FLII: variants seen among roughly 807,000 people sequenced by gnomAD.
The protein encoded by FLII is protein flightless-1 homolog.
Under a neutral mutation model 156.2 loss-of-function variants are expected in FLII, and 101 were observed. That is an observed-to-expected ratio of 0.65 (90% CI 0.55 to 0.76). The LOEUF is 0.76. Among genes scored for constraint, FLII ranks in the 30% least tolerant of loss-of-function variants. The pLI is 0.00. For synonymous variants in FLII, 767 were observed against 685.8 expected, an observed-to-expected ratio of 1.12 and a Z score of -1.85; for missense variants, 1,675 against 1,682.8, an observed-to-expected ratio of 1.00 and a Z score of 0.08.
At chr17:18,246,531 C>A in intron 23 of FLII, 63 bp downstream of exon 23, 4 of 1,611,524 alleles carry the variant, frequency 2.5e-6, no homozygotes, top group Non-Finnish European at 3.4e-6. Flanking sequence ...CTAACCTTCG[C>A]TGGGTCTGAG....
At chr17:18,256,404 C>T in intron 3 of FLII, 122 bp downstream of exon 3, 1 of 758,054 alleles carries the variant, frequency 1.3e-6, no homozygotes, top group Non-Finnish European at 2.2e-6. Flanking sequence ...ACCTGAGCCT[C>T]TGAGCCTGAC....
At chr17:18,256,299 T>A (rs944180189) in intron 3 of FLII, among the ~76,000 whole-genome samples, 3 of 152,258 alleles carry the variant, frequency 2.0e-5, no homozygotes, top group Non-Finnish European at 2.9e-5. Context: ...GATTTTGGAT[T>A]TCTTTACCTT....
intron 18 of FLII, 44 bp downstream of exon 18, chr17:18,248,506 G>A: frequency 1.9e-6 from 3 of 1,551,256 alleles, no homozygotes; most frequent in Non-Finnish European, 2.6e-6. Flanking sequence ...CCAGTCGGTG[G>A]GTGAACTTGG....
In FLII at chr17:18,247,193, C is replaced by G. The variant is rs1213726959; in HGVS notation, c.2652G>C (p.Arg884=). The G allele has an allele frequency of 6.7e-7, 1 of 1,503,594 alleles. No individual in the cohort carries two copies. The highest frequency in any genetic ancestry group is 1.4e-5 in the African/African-American group (1 of 70,322). The allele number at this position is 1,503,594 out of a possible 1,614,324, so 93.1% of individuals were successfully genotyped here. ...KADLTALFLP[R]QPPMSLAEAE... ...CCTCGGCCAGCGACATGGGCGGCTG[C>G]CGCGGCAGGAAAAGCGCAGTGAGGT... The change falls in exon 21 of 30, where the codon CGG becomes CGC. Residue 884 remains arginine, a synonymous_variant. Transcript: ENST00000327031.
chr17:18,250,602 C>A (rs566309683), intron 14 of FLII, among the ~76,000 whole-genome samples: 1 of 152,190 alleles, frequency 6.6e-6, no homozygotes, highest in Non-Finnish European at 1.5e-5. Context: ...TATCCTTGCC[C>A]GGCTGAATTC....
At chr17:18,255,504 A>G (rs905857486) in intron 3 of FLII, among the ~76,000 whole-genome samples, 3 of 152,198 alleles carry the variant, frequency 2.0e-5, no homozygotes, top group African/African-American at 4.8e-5. Context: ...CAGGGCCCTC[A>G]GGGAACCTTT....
In FLII at chr17:18,245,861, G is replaced by A; in HGVS notation, c.3397-11C>T. The A allele has an allele frequency of 6.2e-7, 1 of 1,614,010 alleles. No homozygotes were observed. The highest frequency in any genetic ancestry group is 8.5e-7 in the Non-Finnish European group (1 of 1,179,976). Reference sequence around the variant, plus strand: ...ACCTTCGTTGATAACCTGCGGGAAAGGCCAGTCCAGCCCAGGGCCCCTGCC... The same window carrying A: ...ACCTTCGTTGATAACCTGCGGGAAAAGCCAGTCCAGCCCAGGGCCCCTGCC... On this transcript the variant is annotated splice_polypyrimidine_tract_variant and intron_variant, in intron 26 of 29. Transcript: ENST00000327031.
At chr17:18,251,885 G>A (rs1167104221) in intron 11 of FLII, 69 bp from the exon 12 acceptor site, 4 of 1,607,860 alleles carry the variant, frequency 2.5e-6, no homozygotes, top group Non-Finnish European at 3.4e-6. Flanking sequence ...GACCAACCAG[G>A]GGCCAACTCC....
In FLII at chr17:18,247,857, C is replaced by CG. The variant is rs901163309; in HGVS notation, c.2296-10dup. The CG allele has an allele frequency of 1.9e-6, 3 of 1,613,930 alleles. No individual in the cohort carries two copies. The highest frequency in any genetic ancestry group is 2.5e-6 in the Non-Finnish European group (3 of 1,179,966). ...TCCAGCAGACTCTGCAGCTGCGGAC[C>CG]GGGAGTCTGGAGGTCAAAGCCCAGC... On this transcript the variant is annotated splice_polypyrimidine_tract_variant and intron_variant, in intron 19 of 29. Coordinates refer to ENST00000327031, the MANE Select transcript of FLII (RefSeq NM_002018.4).
Position 18,245,940 on chromosome 17 carries a change from G to C in FLII, c.3390C>G (p.Ser1130Arg), listed in dbSNP as rs200427238. The C allele has an allele frequency of 6.2e-7, 1 of 1,614,044 alleles. No homozygotes were observed. The highest frequency in any genetic ancestry group is 1.1e-5 in the South Asian group (1 of 91,078). Residue 1130 changes from serine to arginine, a missense_variant, in exon 26 of 30, where the codon AGC becomes AGG. Coordinates refer to ENST00000327031, the MANE Select transcript of FLII (RefSeq NM_002018.4). ...TGCCCGCCCGCCTCCTGACCTGCTT[G>C]CTGTAGGAGGTGTCAAACATGGTGT... ...ILNTMFDTSY[S>R]KQVINEGEEP...
chr17:18,247,123 G>GCCCCCCCCCCCCCCCCCCCCCCCCC (rs765734701), intron 21 of FLII, 46 bp downstream of exon 21: 3 of 1,249,374 alleles, frequency 2.4e-6, no homozygotes, highest in South Asian at 1.6e-5. Context: ...CCCTCGGCCT[G>GCCCCCCCCCCCCCCCCCCCCCCCCC]CCCCCCACCC....
Position 18,246,574 on chromosome 17 carries a change from C to G in FLII, c.3051+20G>C. ...ACACCCCTCCGCCTGGCCTCGGGCTCGCGGGGCTGCCAGGCACACCTCCAG... is the reference window on the plus strand; with the variant it reads ...ACACCCCTCCGCCTGGCCTCGGGCTGGCGGGGCTGCCAGGCACACCTCCAG... On this transcript the variant is annotated intron_variant, in intron 23 of 29. Coordinates refer to ENST00000327031, the MANE Select transcript of FLII (RefSeq NM_002018.4). 2 of 1,613,138 alleles carry G rather than the reference C, an allele frequency of 1.2e-6. No homozygotes were observed. The highest frequency in any genetic ancestry group is 8.5e-7 in the Non-Finnish European group (1 of 1,179,446).
At position 18,247,892 on chromosome 17, in the gene FLII, G is replaced by A. The variant is rs750624830; in HGVS notation, c.2295+37C>T. Reference sequence around the variant, plus strand: ...GAGGTCAAAGCCCAGCCAACGGGGAGGGATCTGGCCCCACGCCCTCCTCCT... The same window carrying A: ...GAGGTCAAAGCCCAGCCAACGGGGAAGGATCTGGCCCCACGCCCTCCTCCT... On this transcript the variant is annotated intron_variant, in intron 19 of 29. Coordinates refer to ENST00000327031, the MANE Select transcript of FLII (RefSeq NM_002018.4). 4 of 1,613,268 alleles carry A rather than the reference G, an allele frequency of 2.5e-6. No individual in the cohort carries two copies. The African/African-American group carries it at 4.0e-5, about 16-fold the overall frequency.
intron 6 of FLII, 61 bp downstream of exon 6, chr17:18,254,460 G>T: frequency 6.7e-7 from 1 of 1,502,264 alleles, no homozygotes; most frequent in East Asian, 2.4e-5. Context: ...GGGAAGTGAA[G>T]GGGCCCGGCC....
Position 18,245,779 on chromosome 17 carries a change from G to A in FLII, c.3468C>T (p.Asp1156=), listed in dbSNP as rs144013061. The A allele has an allele frequency of 3.4e-4, 555 of 1,614,024 alleles. No individual in the cohort carries two copies. In the African/African-American group the frequency reaches 4.4e-3, roughly 13 times the overall value. ...GTGTGTGTTTCATGTACTCGGCATC[G>A]TCATCATAGGGCTTCTGTGCCCCAA... is the stretch of plus-strand genomic sequence containing the variant. ...VGIGAQKPYD[D]DAEYMKHTRL... is the part of the protein sequence containing the mutation. Residue 1156 remains aspartate (D), a synonymous_variant, in exon 27 of 30, where the codon GAC becomes GAT. Coordinates refer to ENST00000327031, the MANE Select transcript of FLII (RefSeq NM_002018.4).
Position 18,246,955 on chromosome 17 carries a change from A to C in FLII, c.2774T>G (p.Phe925Cys). 2 of 1,614,036 alleles carry C rather than the reference A, an allele frequency of 1.2e-6. No homozygotes were observed. Among genetic ancestry groups the C allele is most frequent in the Non-Finnish European group, 1.7e-6 (2 of 1,179,982 alleles). ...GCAGTCCTGCGTGTAGAAGTGGCCAAACTCCTCTTCCGGCAGCCGCGCAAA... is the reference window on the plus strand; with the variant it reads ...GCAGTCCTGCGTGTAGAAGTGGCCACACTCCTCTTCCGGCAGCCGCGCAAA... The part of the protein sequence containing the change: ...KKFARLPEEE[F>C]GHFYTQDCYV... Residue 925 changes from phenylalanine (F) to cysteine (C), a missense_variant, in exon 22 of 30, where the codon TTT becomes TGT. Phe to Cys is a radical substitution (Grantham distance 205, BLOSUM62 -2). Coordinates refer to ENST00000327031, the MANE Select transcript of FLII (RefSeq NM_002018.4).
chr17:18,252,116 C>A lies in FLII; in HGVS notation c.1129G>T (p.Val377Phe), dbSNP rs2048291481. 1.9e-6 allele frequency: 3 copies of A among 1,613,384 alleles called. No homozygotes were observed. The highest frequency in any genetic ancestry group is 2.5e-6 in the Non-Finnish European group (3 of 1,180,022). ...CGGTCTGCGGGCTTGGGCGGCATGACCAGGTTGGGGTTCTCCCGCACATCC... is the reference window on the plus strand; with the variant it reads ...CGGTCTGCGGGCTTGGGCGGCATGAACAGGTTGGGGTTCTCCCGCACATCC... ...VLDVRENPNL[V>F]MPPKPADRAA... Residue 377 changes from valine (V) to phenylalanine (F), a missense_variant, in exon 11 of 30, where the codon GTC becomes TTC. Physicochemically the swap from Val to Phe is conservative, Grantham distance 50. Coordinates refer to ENST00000327031, the MANE Select transcript of FLII (RefSeq NM_002018.4).
At chr17:18,250,750 C>T in intron 14 of FLII, 88 bp downstream of exon 14, 1 of 1,415,636 alleles carries the variant, frequency 7.1e-7, no homozygotes, top group South Asian at 1.3e-5. Flanking sequence ...CCCACCTGTT[C>T]TGCCTACCTG....
In FLII at chr17:18,249,382, A is replaced by C. The variant is rs769523523; in HGVS notation, c.1803T>G (p.Ile601Met). 19 of 1,613,864 alleles carry C rather than the reference A, an allele frequency of 1.2e-5. No homozygotes were observed. In the South Asian group the frequency reaches 1.6e-4, roughly 14 times the overall value. ...AGAAGCCACTGGCTGTTCCACCCTC[A>C]ATGTAGGAGATGTCGTTGTCAAACA... ...LQVFDNDISY[I>M]EGGTASGFYT... Residue 601 changes from isoleucine (I) to methionine (M), a missense_variant, in exon 15 of 30, where the codon ATT becomes ATG. Coordinates refer to ENST00000327031, the MANE Select transcript of FLII (RefSeq NM_002018.4).
Sources: allele counts gnomAD v4.1 joint callset (sites outside exome capture counted in the v4.1 genomes callset), GRCh38; gene constraint gnomAD v4.1.1; transcripts MANE v1.5; gene names NCBI Gene and HGNC (gene_info 2026-07-23, HGNC 2026-07-21).